DYNC1I1: variants seen among roughly 807,000 people sequenced by gnomAD.
DYNC1I1 encodes dynein cytoplasmic 1 intermediate chain 1, also known as cytoplasmic dynein 1 intermediate chain 1.
A neutral mutation model predicts 86.6 loss-of-function variants in DYNC1I1; 43 were observed. That is an observed-to-expected ratio of 0.50 (90% CI 0.39 to 0.64). The LOEUF (loss-of-function observed/expected upper bound fraction) is 0.64, where lower values mean the gene tolerates loss of function less well. Ranked by LOEUF, DYNC1I1 falls within the 30% of genes least tolerant of loss-of-function variation. The pLI, the probability that DYNC1I1 is intolerant of heterozygous loss-of-function variation, is 0.00. For synonymous variants in DYNC1I1, 262 were observed against 283.7 expected (o/e 0.92, Z 0.77); for missense variants, 604 against 788.8 (o/e 0.77, Z 2.81).
chr7:95,796,455 C>A (rs79550771), intron 1 of DYNC1I1, among the ~76,000 whole-genome samples: 12,328 of 152,150 alleles, frequency 0.081, 605 homozygotes, highest in Non-Finnish European at 0.099. Context: ...GGATTACAGG[C>A]GCATGCCACC....
chr7:95,818,473 A>ATTTTTTT, intron 4 of DYNC1I1: 4 of 573,310 alleles, frequency 7.0e-6, no homozygotes, highest in South Asian at 2.1e-5. Context: ...AGCTGATTTA[A>ATTTTTTT]TTTTTTTTTT....
chr7:95,937,924 G>A (rs1377001280), intron 6 of DYNC1I1, among the ~76,000 whole-genome samples: 1 of 151,944 alleles, frequency 6.6e-6, no homozygotes, highest in Non-Finnish European at 1.5e-5. Context: ...ACTTATATAT[G>A]TATACCTCCA....
At chr7:95,909,457 A>G (rs1256825752) in intron 6 of DYNC1I1, among the ~76,000 whole-genome samples, 2 of 152,028 alleles carry the variant, frequency 1.3e-5, no homozygotes, top group African/African-American at 4.8e-5. Flanking sequence ...ACATTGCACT[A>G]CAGCCGGGGT....
Position 96,032,738 on chromosome 7 carries a change from C to G in DYNC1I1, c.1188C>G (p.Gly396=). The change falls in exon 12 of 17, where the codon GGC becomes GGG. Residue 396 remains glycine (G), a synonymous_variant. Coordinates refer to ENST00000447467, the MANE Select transcript of DYNC1I1 (RefSeq NM_001135556.2). ...AHNLITVSTD[G]KMCSWSLDML... ...ACCTCATCACTGTCTCCACTGATGG[C>G]AAAATGTGTTCCTGGAGCCTGGACA... is the stretch of plus-strand genomic sequence containing the variant. 6.2e-7 allele frequency: 1 copy of G among 1,613,698 alleles called. No individual in the cohort carries two copies. Among genetic ancestry groups the G allele is most frequent in the Non-Finnish European group, 8.5e-7 (1 of 1,179,730 alleles).
At chr7:96,018,238 C>A (rs1355135905) in intron 10 of DYNC1I1, among the ~76,000 whole-genome samples, 4 of 152,188 alleles carry the variant, frequency 2.6e-5, no homozygotes, top group African/African-American at 9.6e-5. Flanking sequence ...ATGTAGTGCT[C>A]AGGCGGGACC....
At chr7:95,886,245 GGCCAACATGGTGAAACCCC>G (rs1173878607) in intron 6 of DYNC1I1, among the ~76,000 whole-genome samples, 1 of 152,126 alleles carries the variant, frequency 6.6e-6, no homozygotes, top group African/African-American at 2.4e-5. Flanking sequence ...AGACCAGGCT[GGCCAACATGGTGAAACCCC>G]GTCTCTATTA....
intron 5 of DYNC1I1, among the ~76,000 whole-genome samples, chr7:95,862,841 C>G (rs189745175): frequency 1.5e-4 from 23 of 152,274 alleles, no homozygotes; most frequent in Admixed American, 3.3e-4. Flanking sequence ...TTTATAGAAA[C>G]TGGTGTAATA....
chr7:95,950,171 G>C (rs958320810), intron 6 of DYNC1I1, among the ~76,000 whole-genome samples: 1 of 152,166 alleles, frequency 6.6e-6, no homozygotes, highest in African/African-American at 2.4e-5. Context: ...AACGAGCCTT[G>C]CGAAAACACA....
At position 96,009,294 on chromosome 7, in the gene DYNC1I1, C is replaced by G. The variant is rs971468010; in HGVS notation, c.969+13221C>G. On this transcript the variant is annotated intron_variant, in intron 10 of 16. Transcript: ENST00000447467. Reference sequence around the variant, plus strand: ...AAGCTAAAAGCAGCTTGCAATGACTCCAGCACTCAAGCCCCAAGGCCTTGC... The same window carrying G: ...AAGCTAAAAGCAGCTTGCAATGACTGCAGCACTCAAGCCCCAAGGCCTTGC... Among the ~76,000 whole-genome samples the G allele has an allele frequency of 3.9e-5, 6 of 152,208 alleles. No individual in the cohort carries two copies. In the South Asian group the frequency reaches 1.0e-3, roughly 26 times the overall value.
Position 95,861,040 on chromosome 7 carries a change from C to T in DYNC1I1, c.375-8843C>T, listed in dbSNP as rs571103376. On this transcript the variant is annotated intron_variant, in intron 5 of 16. Transcript: ENST00000447467. Reference sequence around the variant, plus strand: ...TCTGTTCCTGGTTTTATCTGCTTGCCTTTCAGGAATCATTCCTGCTCTAGA... The same window carrying T: ...TCTGTTCCTGGTTTTATCTGCTTGCTTTTCAGGAATCATTCCTGCTCTAGA... Among the ~76,000 whole-genome samples, 3 of 152,138 alleles carry T rather than the reference C, an allele frequency of 2.0e-5. No homozygotes were observed. In the South Asian group the frequency reaches 6.2e-4, roughly 32 times the overall value.
intron 16 of DYNC1I1, among the ~76,000 whole-genome samples, chr7:96,085,659 C>G (rs891059418): frequency 6.6e-6 from 1 of 152,014 alleles, no homozygotes; most frequent in African/African-American, 2.4e-5. Context: ...AGAGAAGACC[C>G]CTTTTTATTA....
intron 7 of DYNC1I1, among the ~76,000 whole-genome samples, chr7:95,983,012 T>C (rs866642821): frequency 6.6e-6 from 1 of 152,196 alleles, no homozygotes; most frequent in Non-Finnish European, 1.5e-5. Flanking sequence ...CCCCATTTCA[T>C]AGATAAAACT....
chr7:95,993,125 T>C (rs1397329901), intron 9 of DYNC1I1, among the ~76,000 whole-genome samples: 2 of 152,150 alleles, frequency 1.3e-5, no homozygotes, highest in Non-Finnish European at 2.9e-5. Context: ...GATTTTTTAT[T>C]GGAAAAAGAA....
intron 6 of DYNC1I1, among the ~76,000 whole-genome samples, chr7:95,916,411 C>G (rs1401443109): frequency 6.6e-6 from 1 of 151,934 alleles, no homozygotes; most frequent in South Asian, 2.1e-4. Context: ...AAATATCACT[C>G]CATGTTTATT....
chr7:95,821,706 T>C (rs535671155), intron 4 of DYNC1I1, among the ~76,000 whole-genome samples: 1 of 152,122 alleles, frequency 6.6e-6, no homozygotes, highest in Non-Finnish European at 1.5e-5. Flanking sequence ...TTATTATTAT[T>C]ATTGACGCTG....
At chr7:96,048,515 C>T (rs148295891) in intron 14 of DYNC1I1, among the ~76,000 whole-genome samples, 5 of 152,322 alleles carry the variant, frequency 3.3e-5, no homozygotes, top group Admixed American at 2.0e-4. Flanking sequence ...GTGTCAAAAA[C>T]TCTGGGGATG....
intron 7 of DYNC1I1, among the ~76,000 whole-genome samples, chr7:95,982,204 T>C (rs1283247886): frequency 6.6e-6 from 1 of 152,230 alleles, no homozygotes; most frequent in Non-Finnish European, 1.5e-5. Flanking sequence ...TTTATGACTT[T>C]TAAAAAGTAC....
At chr7:95,898,365 ACT>A (rs148347379) in intron 6 of DYNC1I1, among the ~76,000 whole-genome samples, 3,563 of 152,246 alleles carry the variant, frequency 0.023, 131 homozygotes, top group African/African-American at 0.074. Context: ...TCAGAACAAG[ACT>A]CTGATCTGTC....
intron 16 of DYNC1I1, among the ~76,000 whole-genome samples, chr7:96,081,913 GT>G (rs1256268305): frequency 1.5e-4 from 5 of 33,332 alleles, no homozygotes; most frequent in African/African-American, 3.7e-4. Context: ...ATAATTCTAA[GT>G]AAAAAAAAAA....
Sources: gnomAD v4.1 joint callset for allele counts (sites outside exome capture counted in the v4.1 genomes callset) on GRCh38, gnomAD v4.1.1 for gene constraint, MANE v1.5 for transcripts, NCBI Gene and HGNC (gene_info 2026-07-23, HGNC 2026-07-21) for gene names.